The following CTCF variants were observed in gnomAD, a reference collection of about 807,000 sequenced individuals.
CTCF encodes the protein transcriptional repressor CTCF.
CTCF carries 7 observed loss-of-function variants against 72.3 expected under a neutral mutation model. The observed-to-expected ratio is 0.10, with a 90% CI of 0.06 to 0.18. The LOEUF is 0.18. CTCF is among the 10% of genes least tolerant of loss of function. CTCF has a pLI of 1.00. For missense variants in CTCF, 516 were observed against 949.1 expected, an observed-to-expected ratio of 0.54 and a Z score of 6.00; for synonymous variants, 374 against 315.8, an observed-to-expected ratio of 1.18 and a Z score of -1.95.
rs1288680975 is a variant in CTCF, at chr16:67,611,246, T to C, written c.414T>C (p.Tyr138=). 5.6e-6 allele frequency: 9 copies of C among 1,614,060 alleles called. No individual in the cohort carries two copies. The highest frequency in any genetic ancestry group is 7.6e-6 in the Non-Finnish European group (9 of 1,180,048). The part of the protein sequence containing the change: ...TTSVEELQGA[Y]ENEVSKEGLA... Reference sequence around the variant, plus strand: ...CAGTAGAAGAACTTCAGGGGGCTTATGAAAATGAAGTGTCTAAAGAGGGCC... The same window carrying C: ...CAGTAGAAGAACTTCAGGGGGCTTACGAAAATGAAGTGTCTAAAGAGGGCC... Residue 138 remains tyrosine (Y), a synonymous_variant, in exon 3 of 12, where the codon TAT becomes TAC. Transcript: ENST00000264010.
chr16:67,601,294 CGT>C (rs58241150), intron 2 of CTCF, among the ~76,000 whole-genome samples: 24,935 of 98,306 alleles, frequency 0.25, 3,222 homozygotes, highest in East Asian at 0.54. Context: ...ACTCTGTCAC[CGT>C]GTGTGTGTGT....
intron 5 of CTCF, among the ~76,000 whole-genome samples, chr16:67,619,221 A>G (rs1458026653): frequency 6.6e-6 from 1 of 152,172 alleles, no homozygotes; most frequent in Non-Finnish European, 1.5e-5. Flanking sequence ...TGGTCACCTG[A>G]GATCAAGAGT....
intron 2 of CTCF, among the ~76,000 whole-genome samples, chr16:67,594,571 T>C (rs1157056319): frequency 6.6e-6 from 1 of 151,936 alleles, no homozygotes; most frequent in Non-Finnish European, 1.5e-5. Flanking sequence ...AAAAAAATAG[T>C]GATGCGTAAA....
At chr16:67,635,939 T>G (rs186238230) in intron 10 of CTCF, among the ~76,000 whole-genome samples, 34 of 152,184 alleles carry the variant, frequency 2.2e-4, no homozygotes, top group Middle Eastern at 3.4e-3. Flanking sequence ...AATTGATTTT[T>G]CTTAATAATT....
intron 5 of CTCF, among the ~76,000 whole-genome samples, chr16:67,617,542 C>CG (rs2052148291): frequency 6.6e-6 from 1 of 151,602 alleles, no homozygotes; most frequent in Admixed American, 6.6e-5. Flanking sequence ...ATTAGCTGGG[C>CG]GTGGTGGTGC....
At chr16:67,629,641 C>A in intron 10 of CTCF, 108 bp downstream of exon 10, 2 of 1,086,894 alleles carry the variant, frequency 1.8e-6, no homozygotes, top group Non-Finnish European at 1.3e-6. Flanking sequence ...ACACACTCTT[C>A]CTTTCTTTAA....
Position 67,637,744 on chromosome 16 carries a change from G to A in CTCF, c.2056G>A (p.Val686Ile). The change falls in exon 12 of 12, where the codon GTT becomes ATT. Residue 686 changes from valine (V) to isoleucine (I), a missense_variant. Coordinates refer to ENST00000264010, the MANE Select transcript of CTCF (RefSeq NM_006565.4). ...TACAGGTGCAATTGAGAACATTATA[G>A]TTGAAGTAAAAAAAGAGCCAGATGC... The part of the protein sequence containing the change: ...QNTGAIENII[V>I]EVKKEPDAEP... 1 of 1,613,910 alleles carries A rather than the reference G, an allele frequency of 6.2e-7. No homozygotes were observed. The highest frequency in any genetic ancestry group is 1.1e-5 in the South Asian group (1 of 91,072).
At chr16:67,591,968 C>T (rs908571226) in intron 2 of CTCF, among the ~76,000 whole-genome samples, 1 of 151,978 alleles carries the variant, frequency 6.6e-6, no homozygotes, top group African/African-American at 2.4e-5. Context: ...TTGGCTCTGC[C>T]TCCCCAAGTA....
intron 8 of CTCF, among the ~76,000 whole-genome samples, 189 bp from the exon 9 acceptor site, chr16:67,628,181 C>T (rs1178242647): frequency 6.6e-6 from 1 of 152,204 alleles, no homozygotes; most frequent in Non-Finnish European, 1.5e-5. Context: ...GATCACACCA[C>T]TGCTCTCCAG....
chr16:67,626,452 C>CAA (rs373304235), intron 7 of CTCF, 103 bp from the exon 8 acceptor site: 4,226 of 373,640 alleles, frequency 0.011, no homozygotes, highest in African/African-American at 0.015. Context: ...GACTCCGTCT[C>CAA]AAAAAAAAAA....
At chr16:67,578,943 C>T (rs879540018) in intron 2 of CTCF, among the ~76,000 whole-genome samples, 13 of 145,402 alleles carry the variant, frequency 8.9e-5, no homozygotes, top group Non-Finnish European at 1.8e-4. Flanking sequence ...AGCAAGACTT[C>T]GTCTCAAAAA....
At chr16:67,615,697 T>C (rs1203128620) in intron 4 of CTCF, 1 of 152,212 alleles carries the variant, frequency 6.6e-6, no homozygotes, top group Non-Finnish European at 1.5e-5. Flanking sequence ...CACCAGACTA[T>C]ACACTTTCAC....
At chr16:67,607,189 T>C (rs998501665) in intron 2 of CTCF, among the ~76,000 whole-genome samples, 4 of 152,070 alleles carry the variant, frequency 2.6e-5, no homozygotes, top group Non-Finnish European at 5.9e-5. Context: ...TCTCCTGACT[T>C]CAAGTGATCT....
chr16:67,587,316 A>G (rs996519120), intron 2 of CTCF, among the ~76,000 whole-genome samples: 1 of 151,794 alleles, frequency 6.6e-6, no homozygotes, highest in African/African-American at 2.4e-5. Flanking sequence ...TTATTACCAC[A>G]TTGCTATTTG....
chr16:67,580,965 T>A (rs2051571950), intron 2 of CTCF, among the ~76,000 whole-genome samples: 1 of 150,962 alleles, frequency 6.6e-6, no homozygotes, highest in Non-Finnish European at 1.5e-5. Flanking sequence ...ATCTCGCTCT[T>A]TCGCCCACGC....
intron 2 of CTCF, among the ~76,000 whole-genome samples, chr16:67,588,700 T>A (rs543116381): frequency 5.4e-5 from 8 of 148,590 alleles, no homozygotes; most frequent in African/African-American, 2.0e-4. Flanking sequence ...AATATATATT[T>A]TTTTGATACA....
chr16:67,610,876 C>T lies in CTCF; in HGVS notation c.44C>T (p.Thr15Ile), dbSNP rs1304440183. ...GAAGCCATTGTGGAGGAGTCCGAAA[C>T]TTTTATTAAAGGAAAGGAGAGAAAG... is the stretch of plus-strand genomic sequence containing the variant. ...AVEAIVEESE[T>I]FIKGKERKTY... Residue 15 changes from threonine to isoleucine, a missense_variant, in exon 3 of 12, where the codon ACT becomes ATT. This residue lies in a region of CTCF where 148 missense variants were observed against 194.9 expected (regional missense o/e 0.76). Coordinates refer to ENST00000264010, the MANE Select transcript of CTCF (RefSeq NM_006565.4). 6.7e-7 allele frequency: 1 copy of T among 1,502,234 alleles called. No homozygotes were observed. Among genetic ancestry groups the T allele is most frequent in the Non-Finnish European group, 8.9e-7 (1 of 1,125,198 alleles). 93.1% of individuals were successfully genotyped at this position (1,502,234 alleles called of 1,614,324 possible). A position where few individuals can be genotyped will look rare whatever the true frequency, so the allele number is the denominator to read the frequency against.
chr16:67,617,843 T>A (rs1223376573), intron 5 of CTCF, among the ~76,000 whole-genome samples: 3 of 152,108 alleles, frequency 2.0e-5, no homozygotes, highest in Non-Finnish European at 4.4e-5. Flanking sequence ...AAAAGAAAAC[T>A]TACCCTCAGA....
chr16:67,629,001 G>A lies in CTCF; in HGVS notation c.1702-397G>A, dbSNP rs893860409. Among the ~76,000 whole-genome samples, 8 of 151,708 alleles carry A rather than the reference G, an allele frequency of 5.3e-5. No individual in the cohort carries two copies. In the East Asian group the frequency reaches 1.2e-3, roughly 22 times the overall value. ...CGGGAGGCAGAGCTTGCAGTGATCCGAGATGGCACCACTGCACTCCAGCCT... is the reference window on the plus strand; with the variant it reads ...CGGGAGGCAGAGCTTGCAGTGATCCAAGATGGCACCACTGCACTCCAGCCT... On this transcript the variant is annotated intron_variant, in intron 9 of 11. Coordinates refer to ENST00000264010, the MANE Select transcript of CTCF (RefSeq NM_006565.4).
Sources: allele counts gnomAD v4.1 joint callset (sites outside exome capture counted in the v4.1 genomes callset), GRCh38; gene constraint gnomAD v4.1.1; regional missense constraint gnomAD v4.1.1; transcripts MANE v1.5; gene names NCBI Gene and HGNC (gene_info 2026-07-23, HGNC 2026-07-21).